Variants in COL11A1 observed in about 807,000 individuals in gnomAD.
COL11A1 encodes collagen alpha-1(XI) chain.
COL11A1 carries 74 observed loss-of-function variants against 265.2 expected under a neutral mutation model. The observed-to-expected ratio is 0.28, with a 90% CI of 0.23 to 0.34. The LOEUF is 0.34. Among genes scored for constraint, COL11A1 ranks in the 10% least tolerant of loss-of-function variants. COL11A1 has a pLI of 1.00. For missense variants in COL11A1, 2,165 were observed against 2,263.6 expected (o/e 0.96, Z 0.88); for synonymous variants, 816 against 727.6 (o/e 1.12, Z -1.96).
intron 11 of COL11A1, 113 bp from the exon 12 acceptor site, chr1:103,015,855 A>T: frequency 1.4e-6 from 1 of 731,400 alleles, no homozygotes; most frequent in Non-Finnish European, 2.2e-6. Flanking sequence ...TGCCCTTTCC[A>T]CCTTATTTAG....
At chr1:102,909,282 C>T (rs920131875) in intron 54 of COL11A1, among the ~76,000 whole-genome samples, 51 of 152,162 alleles carry the variant, frequency 3.4e-4, no homozygotes, top group African/African-American at 1.2e-3. Flanking sequence ...TCACTGCACA[C>T]ACCCCCTCTG....
rs548241938 is a variant in COL11A1 at position 103,027,853 on chromosome 1, T to C, written c.781-1521A>G. ...ACCTGTACCAAAGTAGTCAATTTTA[T>C]ATCATTTTTTCTCTTATAGGACAAA... On this transcript the variant is annotated intron_variant, in intron 5 of 66. Transcript: ENST00000370096. Among the ~76,000 whole-genome samples the C allele has an allele frequency of 3.9e-5, 6 of 152,286 alleles. No homozygotes were observed. In the South Asian group the frequency reaches 1.2e-3, roughly 32 times the overall value.
chr1:103,005,423 C>T (rs1412636279), intron 18 of COL11A1, among the ~76,000 whole-genome samples: 1 of 152,066 alleles, frequency 6.6e-6, no homozygotes, highest in Non-Finnish European at 1.5e-5. Context: ...AATATAGTGC[C>T]TAGTATATTA....
intron 38 of COL11A1, among the ~76,000 whole-genome samples, chr1:102,964,199 A>G (rs141073660): frequency 0.011 from 1,748 of 152,296 alleles, 33 homozygotes; most frequent in African/African-American, 0.039. Flanking sequence ...GTTACATTCC[A>G]TGATGTTTAT....
At chr1:103,081,039 C>A (rs1436147041) in intron 2 of COL11A1, among the ~76,000 whole-genome samples, 1 of 151,820 alleles carries the variant, frequency 6.6e-6, no homozygotes, top group African/African-American at 2.4e-5. Context: ...CTTGCCCTTC[C>A]CATCCATTGG....
At chr1:102,884,295 TCTAA>T (rs1173162210) in intron 63 of COL11A1, 1 of 152,062 alleles carries the variant, frequency 6.6e-6, no homozygotes, top group Non-Finnish European at 1.5e-5. Flanking sequence ...AACATACTAC[TCTAA>T]CTGTTATAGT....
chr1:103,001,729 GT>G, intron 24 of COL11A1, 195 bp downstream of exon 24: 1 of 610,532 alleles, frequency 1.6e-6, no homozygotes, highest in Non-Finnish European at 3.0e-6. Flanking sequence ...GGTAACTGAA[GT>G]TTTATCATTC....
rs751277225 is a variant in COL11A1 at position 102,961,931 on chromosome 1, GA to G, written c.3115-13del. The stretch of plus-strand genomic sequence containing the variant: ...AGTCCAGGTGCACCCTGGGAAAAGT[GA>G]AAAAAATAAAGAAAATGAATCCATA... On this transcript the variant is annotated splice_polypyrimidine_tract_variant and intron_variant, in intron 40 of 66. Transcript: ENST00000370096. 1.2e-6 allele frequency: 2 copies of G among 1,610,526 alleles called. No individual in the cohort carries two copies. The highest frequency in any genetic ancestry group is 2.2e-5 in the South Asian group (2 of 90,418).
chr1:102,996,050 A>G lies in COL11A1; in HGVS notation c.2242-8T>C. On this transcript the variant is annotated splice_polypyrimidine_tract_variant and splice_region_variant and intron_variant, in intron 26 of 66. Transcript: ENST00000370096. ...TTGTGGACCAGGGGGACCCTGAAATAGATGAATTACCACTTATACGTGTAA... is the reference window on the plus strand; with the variant it reads ...TTGTGGACCAGGGGGACCCTGAAATGGATGAATTACCACTTATACGTGTAA... The G allele has an allele frequency of 6.2e-7, 1 of 1,612,996 alleles. No homozygotes were observed. Among genetic ancestry groups the G allele is most frequent in the African/African-American group, 1.3e-5 (1 of 75,010 alleles).
chr1:103,001,638 TAA>T (rs1665116786), intron 24 of COL11A1: 2 of 466,382 alleles, frequency 4.3e-6, no homozygotes. Context: ...AGACCTAAAA[TAA>T]AGAGAAAATA....
intron 41 of COL11A1, among the ~76,000 whole-genome samples, chr1:102,959,888 C>T (rs894864843): frequency 6.6e-6 from 1 of 152,152 alleles, no homozygotes; most frequent in Admixed American, 6.6e-5. Context: ...TCCTTATAGT[C>T]ACAGCTCAGA....
chr1:102,878,063 G>C lies in COL11A1; in HGVS notation c.5377C>G (p.Gln1793Glu), dbSNP rs1409700354. The stretch of plus-strand genomic sequence containing the variant: ...GGACCAACTTCAAATCCGAACTTCT[G>C]ATTCTGATCACCAAAGTCATTGATC... The part of the protein sequence containing the change: ...VMINDFGDQN[Q>E]KFGFEVGPVC... Residue 1793 changes from glutamine (Q) to glutamate (E), a missense_variant, in exon 67 of 67, where the codon CAG (glutamine) becomes GAG (glutamate). Gln to Glu is a conservative substitution (Grantham distance 29). Coordinates refer to ENST00000370096, the MANE Select transcript of COL11A1 (RefSeq NM_001854.4). The C allele has an allele frequency of 1.9e-6, 3 of 1,613,620 alleles. No individual in the cohort carries two copies. In the South Asian group the frequency reaches 3.3e-5, roughly 18 times the overall value.
At chr1:103,081,860 C>A (rs577223290) in intron 2 of COL11A1, among the ~76,000 whole-genome samples, 12 of 151,894 alleles carry the variant, frequency 7.9e-5, no homozygotes, top group Middle Eastern at 3.4e-3. Context: ...GCAGAACAGA[C>A]CTAGATTAAA....
At chr1:103,029,286 G>A (rs12728656) in intron 5 of COL11A1, among the ~76,000 whole-genome samples, 12,044 of 152,014 alleles carry the variant, frequency 0.079, 530 homozygotes, top group Middle Eastern at 0.15. Flanking sequence ...TAAAGTACAT[G>A]TATGGCTGAT....
chr1:102,967,401 C>T (rs899242552), intron 37 of COL11A1, among the ~76,000 whole-genome samples: 1 of 151,598 alleles, frequency 6.6e-6, no homozygotes, highest in Non-Finnish European at 1.5e-5. Flanking sequence ...CCACCAAGCC[C>T]GGCTAATTTT....
At chr1:103,056,462 C>A (rs533106831) in intron 4 of COL11A1, among the ~76,000 whole-genome samples, 21 of 152,214 alleles carry the variant, frequency 1.4e-4, no homozygotes, top group Non-Finnish European at 2.6e-4. Flanking sequence ...GTTAAAAACA[C>A]CAAGGAGACT....
intron 46 of COL11A1, among the ~76,000 whole-genome samples, chr1:102,932,357 A>T (rs1319103362): frequency 1.3e-5 from 2 of 152,178 alleles, no homozygotes; most frequent in South Asian, 4.2e-4. Context: ...TATGAAGGTT[A>T]GTTTGGCTGG....
intron 50 of COL11A1, among the ~76,000 whole-genome samples, chr1:102,915,318 T>C (rs1431750118): frequency 7.5e-6 from 1 of 133,074 alleles, no homozygotes; most frequent in African/African-American, 2.4e-5. Flanking sequence ...GACACGTTTA[T>C]TTAAGGCAGC....
At chr1:103,002,538 G>T (rs1665210527) in intron 22 of COL11A1, 57 bp from the exon 23 acceptor site, 2 of 1,455,090 alleles carry the variant, frequency 1.4e-6, no homozygotes, top group Non-Finnish European at 1.9e-6. Flanking sequence ...ATAGATTTTT[G>T]TTCTTCTCAA....
Sources: allele counts gnomAD v4.1 joint callset (sites outside exome capture counted in the v4.1 genomes callset), GRCh38; gene constraint gnomAD v4.1.1; transcripts MANE v1.5; gene names NCBI Gene and HGNC (gene_info 2026-07-23, HGNC 2026-07-21).